The following LPIN1 variants were observed in gnomAD, a reference collection of about 807,000 sequenced individuals.
LPIN1 encodes the protein phosphatidate phosphatase LPIN1.
Under a neutral mutation model 107.5 loss-of-function variants are expected in LPIN1, and 71 were observed. That is an observed-to-expected ratio of 0.66 (90% CI 0.55 to 0.80). The LOEUF (loss-of-function observed/expected upper bound fraction) is 0.80, where lower values mean the gene tolerates loss of function less well. LPIN1 is among the 30% of genes least tolerant of loss of function. The pLI is 0.00. For synonymous variants in LPIN1, 445 were observed against 452.6 expected (o/e 0.98, Z 0.21); for missense variants, 1,043 against 1,160.6 (o/e 0.90, Z 1.47).
At chr2:11,772,130 T>C (rs1213971730) in intron 4 of LPIN1, among the ~76,000 whole-genome samples, 1 of 152,172 alleles carries the variant, frequency 6.6e-6, no homozygotes, top group East Asian at 1.9e-4. Context: ...TGTGAGAATC[T>C]GATGCTGCCA....
chr2:11,678,749 G>A (rs924574191), intron 1 of LPIN1, among the ~76,000 whole-genome samples: 8 of 152,216 alleles, frequency 5.3e-5, no homozygotes, highest in East Asian at 1.9e-4. Flanking sequence ...GAAAGGAGGC[G>A]TGGATCCTGC....
intron 6 of LPIN1, among the ~76,000 whole-genome samples, chr2:11,776,713 A>G (rs1454779307): frequency 1.3e-5 from 2 of 152,230 alleles, no homozygotes; most frequent in South Asian, 2.1e-4. Flanking sequence ...ATCTTGGAGA[A>G]TGGCCTGGGC....
intron 11 of LPIN1, among the ~76,000 whole-genome samples, chr2:11,787,602 A>C (rs959730099): frequency 2.6e-5 from 4 of 151,798 alleles, no homozygotes; most frequent in Non-Finnish European, 4.4e-5. Flanking sequence ...CACACTCTGC[A>C]GTACATGGGT....
intron 1 of LPIN1, among the ~76,000 whole-genome samples, chr2:11,706,244 G>C (rs535971788): frequency 1.6e-4 from 24 of 152,348 alleles, no homozygotes; most frequent in Middle Eastern, 3.4e-3. Context: ...ACAAAAAGAA[G>C]ACTTCGGCTG....
At chr2:11,806,478 C>T (rs749044195) in intron 17 of LPIN1, among the ~76,000 whole-genome samples, 1 of 152,072 alleles carries the variant, frequency 6.6e-6, no homozygotes, top group Non-Finnish European at 1.5e-5. Flanking sequence ...TGTCGATAGT[C>T]CCAGCTATTT....
chr2:11,717,676 A>G lies in LPIN1; in HGVS notation c.138+3864A>G, dbSNP rs142685750. On this transcript the variant is annotated intron_variant, in intron 2 of 21. Transcript: ENST00000449576. The stretch of plus-strand genomic sequence containing the variant: ...AAAAAAATTATTTAGCAAATCTTAT[A>G]TACCACAAATCAGGTGACAGGTTTT... Among the ~76,000 whole-genome samples, 663 of 152,052 alleles carry G rather than the reference A, an allele frequency of 4.4e-3. 7 individuals carry two copies. Among genetic ancestry groups the G allele is most frequent in the African/African-American group, 0.015 (625 of 41,474 alleles).
chr2:11,792,078 G>A, intron 13 of LPIN1, 72 bp downstream of exon 13: 1 of 1,268,900 alleles, frequency 7.9e-7, no homozygotes, highest in Non-Finnish European at 1.1e-6. Context: ...TGGTTTTCAT[G>A]TACTTACATC....
chr2:11,753,530 T>C (rs778863157), intron 1 of LPIN1, among the ~76,000 whole-genome samples: 4 of 152,214 alleles, frequency 2.6e-5, no homozygotes, highest in Non-Finnish European at 4.4e-5. Context: ...AATCCAGACC[T>C]GGCAGAGGGC....
At chr2:11,733,820 C>T (rs1187850270) in intron 1 of LPIN1, among the ~76,000 whole-genome samples, 1 of 152,156 alleles carries the variant, frequency 6.6e-6, no homozygotes, top group African/African-American at 2.4e-5. Flanking sequence ...GGACTGGAGG[C>T]CCACAGCCTT....
At chr2:11,728,245 A>G (rs1018763532) in intron 1 of LPIN1, among the ~76,000 whole-genome samples, 6 of 152,202 alleles carry the variant, frequency 3.9e-5, no homozygotes, top group African/African-American at 1.4e-4. Flanking sequence ...CCGTGCTAAT[A>G]TTTAAGGTAG....
At chr2:11,804,390 A>G in intron 15 of LPIN1, 33 bp from the exon 16 acceptor site, 1 of 1,613,792 alleles carries the variant, frequency 6.2e-7, no homozygotes, top group Non-Finnish European at 8.5e-7. Flanking sequence ...CTTTCCCTCA[A>G]GCAGACAAAT....
chr2:11,757,201 GTTCCACTGGAAATT>G lies in LPIN1; in HGVS notation c.-9-8331_-9-8318del, dbSNP rs553997333. Among the ~76,000 whole-genome samples, 234 of 152,318 alleles carry G rather than the reference GTTCCACTGGAAATT, an allele frequency of 1.5e-3. 1 individual carries two copies. Among genetic ancestry groups the G allele is most frequent in the Non-Finnish European group, 2.2e-4 (15 of 68,026 alleles). Reference sequence around the variant, plus strand: ...AGTGAATAGCAGGCATCTGAAAGCCGTTCCACTGGAAATTGAAGCCTTCCATTTGGTCCTCTGCA... The same window carrying G: ...AGTGAATAGCAGGCATCTGAAAGCCGGAAGCCTTCCATTTGGTCCTCTGCA... On this transcript the variant is annotated intron_variant, in intron 1 of 20. Coordinates refer to ENST00000674199, the MANE Select transcript of LPIN1 (RefSeq NM_001349206.2).
rs180995040 is a variant in LPIN1 at position 11,811,970 on chromosome 2, C to T, written c.2250-3118C>T. Among the ~76,000 whole-genome samples, 884 of 151,636 alleles carry T rather than the reference C, an allele frequency of 5.8e-3. 11 individuals carry two copies. Among genetic ancestry groups the T allele is most frequent in the African/African-American group, 0.02 (829 of 41,274 alleles). ...ACTGCACTCCAGCCTGGTGACACAG[C>T]GAGACTCCGTCTCAAAAAAAAAGAA... On this transcript the variant is annotated intron_variant, in intron 17 of 20. Transcript: ENST00000674199.
intron 10 of LPIN1, 77 bp downstream of exon 10, chr2:11,785,153 T>A: frequency 8.6e-7 from 1 of 1,159,416 alleles, no homozygotes; most frequent in Non-Finnish European, 1.2e-6. Flanking sequence ...CTCCAAGGAG[T>A]GCGTGTCAAG....
intron 17 of LPIN1, among the ~76,000 whole-genome samples, chr2:11,808,826 G>A (rs952714632): frequency 1.4e-5 from 2 of 147,898 alleles, no homozygotes; most frequent in Non-Finnish European, 3.0e-5. Context: ...AGCCGAGATC[G>A]CACCATTGCA....
intron 1 of LPIN1, among the ~76,000 whole-genome samples, chr2:11,686,062 C>T (rs931334026): frequency 7.9e-5 from 12 of 152,336 alleles, no homozygotes; most frequent in African/African-American, 2.6e-4. Context: ...CTCAACCACA[C>T]AGCAGCTCGC....
intron 17 of LPIN1, among the ~76,000 whole-genome samples, chr2:11,814,032 G>A (rs926956053): frequency 6.6e-6 from 1 of 152,194 alleles, no homozygotes; most frequent in African/African-American, 2.4e-5. Flanking sequence ...AAGTGGGTGA[G>A]GTTCCCAGGT....
intron 2 of LPIN1, among the ~76,000 whole-genome samples, chr2:11,714,893 G>A (rs1233337666): frequency 1.3e-5 from 2 of 152,240 alleles, no homozygotes; most frequent in Non-Finnish European, 2.9e-5. Flanking sequence ...CGCGGCCGCA[G>A]GCAGAGTGAG....
intron 11 of LPIN1, 41 bp from the exon 12 acceptor site, chr2:11,788,346 A>C: frequency 6.7e-7 from 1 of 1,487,442 alleles, no homozygotes; most frequent in Non-Finnish European, 9.4e-7. Flanking sequence ...TTTCAGTCTG[A>C]GCCTCGGTTT....
Sources: gnomAD v4.1 joint callset for allele counts (sites outside exome capture counted in the v4.1 genomes callset) on GRCh38, gnomAD v4.1.1 for gene constraint, MANE v1.5 for transcripts, NCBI Gene and HGNC (gene_info 2026-07-23, HGNC 2026-07-21) for gene names.